TECPR1: variants seen among roughly 807,000 people sequenced by gnomAD.
TECPR1 encodes the protein tectonin beta-propeller repeat-containing protein 1.
Under a neutral mutation model 162.4 loss-of-function variants are expected in TECPR1, and 122 were observed. The ratio of observed to expected loss-of-function variants is 0.75; its 90% CI spans 0.65 to 0.87. TECPR1 has a LOEUF of 0.87. Among genes scored for constraint, TECPR1 ranks in the 40% least tolerant of loss-of-function variants. The pLI is 0.00. For missense variants in TECPR1, 1,432 were observed against 1,618.2 expected (o/e 0.88, Z 1.97); for synonymous variants, 642 against 670.6 (o/e 0.96, Z 0.66).
rs777952786 is a variant in TECPR1 at position 98,222,375 on chromosome 7, G to A, written c.3064+11C>T. ...TGAACACTGCAGGGGCTCCTGGGGC[G>A]CGGCACTCACCGGCTGGCTGCGAGG... On this transcript the variant is annotated intron_variant, in intron 22 of 25. Coordinates refer to ENST00000447648, the MANE Select transcript of TECPR1 (RefSeq NM_015395.3). 27 of 1,605,216 alleles carry A rather than the reference G, an allele frequency of 1.7e-5. No individual in the cohort carries two copies. The highest frequency in any genetic ancestry group is 9.0e-5 in the East Asian group (4 of 44,598).
intron 15 of TECPR1, among the ~76,000 whole-genome samples, chr7:98,230,046 C>G (rs890628530): frequency 1.3e-5 from 2 of 150,674 alleles, no homozygotes; most frequent in Admixed American, 1.3e-4. Flanking sequence ...GCTGGAGTGC[C>G]GTGGTGTGAG....
chr7:98,231,589 ACTCC>A, intron 13 of TECPR1: 1 of 320,268 alleles, frequency 3.1e-6, no homozygotes, highest in South Asian at 3.4e-5. Flanking sequence ...CCATTTCTGT[ACTCC>A]CTCTCCTGGG....
chr7:98,220,396 TTTTTA>T (rs1798112557), intron 23 of TECPR1, among the ~76,000 whole-genome samples: 1 of 152,170 alleles, frequency 6.6e-6, no homozygotes, highest in Non-Finnish European at 1.5e-5. Context: ...TTTATTTTTA[TTTTTA>T]TTTTATTTTT....
chr7:98,237,452 C>A (rs28431231), intron 9 of TECPR1, among the ~76,000 whole-genome samples: 526 of 151,928 alleles, frequency 3.5e-3, no homozygotes, highest in African/African-American at 0.012. Flanking sequence ...CATCACCACA[C>A]CCAGCTAAGT....
At chr7:98,236,981 T>G in intron 9 of TECPR1, 60 bp from the exon 10 acceptor site, 1 of 1,450,430 alleles carries the variant, frequency 6.9e-7, no homozygotes, top group African/African-American at 1.4e-5. Flanking sequence ...CTCTTCTCGC[T>G]TCCTAGGGGT....
At chr7:98,219,146 C>T (rs572605715) in intron 23 of TECPR1, among the ~76,000 whole-genome samples, 2 of 152,116 alleles carry the variant, frequency 1.3e-5, no homozygotes, top group Non-Finnish European at 2.9e-5. Context: ...GGAAAGGACA[C>T]TTTATACAAT....
At chr7:98,225,153 G>A in intron 17 of TECPR1, 51 bp from the exon 18 acceptor site, 1 of 1,498,712 alleles carries the variant, frequency 6.7e-7, no homozygotes, top group Non-Finnish European at 9.1e-7. Flanking sequence ...GAATGAACTG[G>A]CTCACTCAGA....
intron 11 of TECPR1, 136 bp from the exon 12 acceptor site, chr7:98,233,108 T>C: frequency 9.3e-7 from 1 of 1,071,790 alleles, no homozygotes; most frequent in South Asian, 1.9e-5. Context: ...CCTTCCACCC[T>C]TTGCCCTGTT....
chr7:98,217,370 T>C lies in TECPR1; in HGVS notation c.*20A>G. 1 of 1,432,366 alleles carries C rather than the reference T, an allele frequency of 7.0e-7. No homozygotes were observed. Among genetic ancestry groups the C allele is most frequent in the South Asian group, 1.2e-5 (1 of 81,612 alleles). 88.7% of individuals were successfully genotyped at this position (1,432,366 alleles called of 1,614,324 possible). A position where few individuals can be genotyped will look rare whatever the true frequency, so the allele number is the denominator to read the frequency against. On this transcript the variant is annotated 3_prime_UTR_variant, in exon 26 of 26. Coordinates refer to ENST00000447648, the MANE Select transcript of TECPR1 (RefSeq NM_015395.3). The stretch of plus-strand genomic sequence containing the variant: ...CCCCAAACTGGGCACCGTCCCTGCA[T>C]GTAGGTGTGTGGGGGGGCCTCAGCA...
rs1798457869 is a variant in TECPR1, at chr7:98,232,043, A to G, written c.1819-84T>C. ...GGGCGGGGCTGGGGGTGCCCAGAGG[A>G]GGAGGCAGGGCTGGGGTAGGGCCCA... On this transcript the variant is annotated intron_variant, in intron 12 of 25. Coordinates refer to ENST00000447648, the MANE Select transcript of TECPR1 (RefSeq NM_015395.3). This position sits in a 1 kb window ranked among gnomAD's most constrained non-coding sequence, Gnocchi z 4.6. The G allele has an allele frequency of 6.8e-7, 1 of 1,467,816 alleles. No homozygotes were observed. Among genetic ancestry groups the G allele is most frequent in the Non-Finnish European group, 9.2e-7 (1 of 1,092,766 alleles). The allele number at this position is 1,467,816 out of a possible 1,614,324, so 90.9% of individuals were successfully genotyped here. A position where few individuals can be genotyped will look rare whatever the true frequency, so the allele number is the denominator to read the frequency against.
rs556698508 is a variant in TECPR1, at chr7:98,243,430, C to A, written c.657+37G>T. ...GGACAGGACCCACAGGAGGTGGGAT[C>A]GTGGGGAGCCAGGGCAGGGAGAGGG... On this transcript the variant is annotated intron_variant, in intron 6 of 25. Coordinates refer to ENST00000447648, the MANE Select transcript of TECPR1 (RefSeq NM_015395.3). 3.1e-6 allele frequency: 5 copies of A among 1,608,930 alleles called. No homozygotes were observed. In the Admixed American group the frequency reaches 5.0e-5, roughly 16 times the overall value.
rs1461927031 is a variant in TECPR1, at chr7:98,248,796, A to G, written c.-20+2598T>C. ...AGGAGGTGGAGGTTGCAGAGAGCCGAGATTGCACCACTGCACTCCAGCCTG... is the reference window on the plus strand; with the variant it reads ...AGGAGGTGGAGGTTGCAGAGAGCCGGGATTGCACCACTGCACTCCAGCCTG... On this transcript the variant is annotated intron_variant, in intron 2 of 25. Coordinates refer to ENST00000447648, the MANE Select transcript of TECPR1 (RefSeq NM_015395.3). Among the ~76,000 whole-genome samples, 4 of 151,672 alleles carry G rather than the reference A, an allele frequency of 2.6e-5. No homozygotes were observed. The East Asian group carries it at 7.8e-4, about 30-fold the overall frequency.
chr7:98,231,032 C>A lies in TECPR1; in HGVS notation c.2211G>T (p.Lys737Asn). The change falls in exon 15 of 26, where the codon AAG (lysine) becomes AAT (asparagine). Residue 737 changes from lysine (K) to asparagine (N), a missense_variant. Transcript: ENST00000447648. ...SPQAIWSITC[K>N]GDIFVSEPSP... is the part of the protein sequence containing the mutation. ...TGGGCTCGCTCACGAAGATGTCCCCCTTGCAGGTGATGGACCAGATGGCCT... is the reference window on the plus strand; with the variant it reads ...TGGGCTCGCTCACGAAGATGTCCCCATTGCAGGTGATGGACCAGATGGCCT... 1 of 1,612,864 alleles carries A rather than the reference C, an allele frequency of 6.2e-7. No individual in the cohort carries two copies. The highest frequency in any genetic ancestry group is 8.5e-7 in the Non-Finnish European group (1 of 1,179,632).
chr7:98,245,115 C>T (rs763180849), intron 3 of TECPR1, 48 bp from the exon 4 acceptor site: 23 of 1,547,752 alleles, frequency 1.5e-5, no homozygotes, highest in Admixed American at 1.2e-4. Context: ...GCCTGCTGGG[C>T]GGGAACCCAG....
In TECPR1 at chr7:98,241,875, C is replaced by T. The variant is rs1205451535; in HGVS notation, c.658-631G>A. On this transcript the variant is annotated intron_variant, in intron 6 of 25. Transcript: ENST00000447648. The surrounding 1 kb of genome is among the most constrained non-coding windows in gnomAD (Gnocchi z 5.0). ...TCCCTTCGGCTAGCAGGTGGCCCAT[C>T]TGTCTCCCCAGCTTCTACAGAAGCC... Among the ~76,000 whole-genome samples the T allele has an allele frequency of 6.6e-6, 1 of 152,200 alleles. No individual in the cohort carries two copies. The highest frequency in any genetic ancestry group is 1.5e-5 in the Non-Finnish European group (1 of 68,024).
At position 98,231,368 on chromosome 7, in the gene TECPR1, G is replaced by A; in HGVS notation, c.1980C>T (p.Ile660=). ...YYVVHEEKKY[I]HIFLNEVVAL... is the part of the protein sequence containing the mutation. Reference sequence around the variant, plus strand: ...CCACCACCTCATTCAGGAATATGTGGATGTACTGTTCACAGAACAGGCGCC... The same window carrying A: ...CCACCACCTCATTCAGGAATATGTGAATGTACTGTTCACAGAACAGGCGCC... The change falls in exon 14 of 26, where the codon ATC becomes ATT. Residue 660 remains isoleucine, a synonymous_variant. Coordinates refer to ENST00000447648, the MANE Select transcript of TECPR1 (RefSeq NM_015395.3). 1 of 1,600,896 alleles carries A rather than the reference G, an allele frequency of 6.2e-7. No homozygotes were observed. The highest frequency in any genetic ancestry group is 8.5e-7 in the Non-Finnish European group (1 of 1,173,988).
At position 98,241,012 on chromosome 7, in the gene TECPR1, T is replaced by G; in HGVS notation, c.832+58A>C. 1 of 1,585,056 alleles carries G rather than the reference T, an allele frequency of 6.3e-7. No individual in the cohort carries two copies. On this transcript the variant is annotated intron_variant, in intron 7 of 25. Transcript: ENST00000447648. The surrounding 1 kb of genome is among the most constrained non-coding windows in gnomAD (Gnocchi z 5.0). ...TCAGCCTGGACAGCTGGGGAGCGAGTGACCCTCACCCTTCTCCCCAGTACA... is the reference window on the plus strand; with the variant it reads ...TCAGCCTGGACAGCTGGGGAGCGAGGGACCCTCACCCTTCTCCCCAGTACA...
At chr7:98,238,953 A>G (rs1798675047) in intron 8 of TECPR1, among the ~76,000 whole-genome samples, 1 of 152,272 alleles carries the variant, frequency 6.6e-6, no homozygotes, top group Admixed American at 6.5e-5. Context: ...CAACGGCCTT[A>G]ATACTGTTAT....
chr7:98,226,244 G>C (rs1360585290), intron 17 of TECPR1, among the ~76,000 whole-genome samples: 1 of 152,204 alleles, frequency 6.6e-6, no homozygotes, highest in Admixed American at 6.5e-5. Context: ...GAGGTTTTCA[G>C]GATGGAAATA....
Sources: allele counts gnomAD v4.1 joint callset (sites outside exome capture counted in the v4.1 genomes callset), GRCh38; gene constraint gnomAD v4.1.1; non-coding constraint Gnocchi (gnomAD v3.1); transcripts MANE v1.5; gene names NCBI Gene and HGNC (gene_info 2026-07-23, HGNC 2026-07-21).